The following FHIT variants were observed in gnomAD, a reference collection of about 807,000 sequenced individuals.
The protein encoded by FHIT is bis(5'-adenosyl)-triphosphatase.
Under a neutral mutation model 17.9 loss-of-function variants are expected in FHIT, and 19 were observed. That is an observed-to-expected ratio of 1.06 (90% confidence interval 0.74 to 1.56). The LOEUF is 1.56. Among genes scored for constraint, FHIT ranks in the 40% most tolerant of loss-of-function variants. The pLI, the probability that FHIT is intolerant of heterozygous loss-of-function variation, is 0.00. For synonymous variants in FHIT, 81 were observed against 69.7 expected, an observed-to-expected ratio of 1.16 and a Z score of -0.81; for missense variants, 248 against 189.2, an observed-to-expected ratio of 1.31 and a Z score of -1.82.
intron 5 of FHIT, among the ~76,000 whole-genome samples, chr3:60,195,659 CATAT>C (rs1225141894): frequency 6.9e-6 from 1 of 145,814 alleles, no homozygotes; most frequent in Non-Finnish European, 1.5e-5. Flanking sequence ...TATATACACA[CATAT>C]ATATATGTAT....
intron 8 of FHIT, among the ~76,000 whole-genome samples, chr3:59,767,354 C>T (rs1701852234): frequency 6.6e-6 from 1 of 152,068 alleles, no homozygotes; most frequent in African/African-American, 2.4e-5. Context: ...CAAAAATTAG[C>T]CAGGTGGGGT....
intron 3 of FHIT, among the ~76,000 whole-genome samples, chr3:60,831,961 C>A (rs899730171): frequency 1.3e-5 from 2 of 151,946 alleles, no homozygotes; most frequent in Non-Finnish European, 2.9e-5. Context: ...ACTTTGTAGC[C>A]CAGTTGAGCA....
At chr3:61,018,156 C>T (rs79475556) in intron 3 of FHIT, among the ~76,000 whole-genome samples, 1 of 152,046 alleles carries the variant, frequency 6.6e-6, no homozygotes, top group South Asian at 2.1e-4. Context: ...TAGTCAAACA[C>T]GATGATAAAA....
intron 3 of FHIT, among the ~76,000 whole-genome samples, chr3:61,007,997 G>A (rs1048396614): frequency 1.1e-4 from 17 of 152,106 alleles, no homozygotes; most frequent in Admixed American, 1.3e-4. Flanking sequence ...CATGTGATCA[G>A]GTTAATTTCA....
intron 2 of FHIT, among the ~76,000 whole-genome samples, chr3:61,166,198 A>G (rs1417443548): frequency 1.3e-5 from 2 of 152,250 alleles, no homozygotes; most frequent in Admixed American, 1.3e-4. Context: ...ACAAGCACTT[A>G]GCACACATGC....
chr3:60,638,750 G>C (rs1454362268), intron 4 of FHIT, among the ~76,000 whole-genome samples: 3 of 151,938 alleles, frequency 2.0e-5, no homozygotes, highest in Non-Finnish European at 4.4e-5. Context: ...ATATTTACCA[G>C]AAACAGAAGA....
intron 7 of FHIT, among the ~76,000 whole-genome samples, chr3:59,938,948 C>A (rs1023198649): frequency 6.6e-6 from 1 of 152,136 alleles, no homozygotes; most frequent in Admixed American, 6.6e-5. Flanking sequence ...TGGGAGCACC[C>A]AGAGAGCTGC....
At chr3:60,206,149 A>AAATAATAAT (rs1041282613) in intron 5 of FHIT, among the ~76,000 whole-genome samples, 2 of 94,142 alleles carry the variant, frequency 2.1e-5, no homozygotes, top group Non-Finnish European at 4.2e-5. Context: ...AAAAAAAAAT[A>AAATAATAAT]AATAATAATA....
At chr3:60,508,765 A>T (rs1367200731) in intron 5 of FHIT, among the ~76,000 whole-genome samples, 1 of 152,142 alleles carries the variant, frequency 6.6e-6, no homozygotes, top group Non-Finnish European at 1.5e-5. Flanking sequence ...TTGACATCTT[A>T]AAGTTCAAAG....
chr3:59,983,288 A>G (rs539642402), intron 7 of FHIT, among the ~76,000 whole-genome samples: 5 of 152,238 alleles, frequency 3.3e-5, no homozygotes, highest in Admixed American at 3.3e-4. Flanking sequence ...ATTGGTTCAC[A>G]TAAACACATC....
intron 4 of FHIT, among the ~76,000 whole-genome samples, chr3:60,725,041 T>C (rs1424384117): frequency 6.6e-6 from 1 of 152,196 alleles, no homozygotes; most frequent in Non-Finnish European, 1.5e-5. Context: ...CTAATGATGT[T>C]GAGCATCTTT....
intron 8 of FHIT, among the ~76,000 whole-genome samples, chr3:59,787,176 GA>G (rs778428107): frequency 1.6e-4 from 25 of 152,236 alleles, no homozygotes; most frequent in Admixed American, 3.3e-4. Flanking sequence ...CTGAGAGTCA[GA>G]AAGGTTAACT....
chr3:61,062,113 G>A (rs762674094), intron 2 of FHIT, among the ~76,000 whole-genome samples: 6 of 152,068 alleles, frequency 3.9e-5, no homozygotes, highest in Middle Eastern at 6.8e-3. Flanking sequence ...TACAGAATAC[G>A]TTACTAGACA....
chr3:60,797,170 G>C (rs781865065), intron 4 of FHIT, among the ~76,000 whole-genome samples: 9 of 152,182 alleles, frequency 5.9e-5, no homozygotes, highest in Non-Finnish European at 1.0e-4. Context: ...TTTGGTGCTT[G>C]CCTCACATAG....
intron 5 of FHIT, among the ~76,000 whole-genome samples, chr3:60,436,054 T>G (rs1338795342): frequency 6.6e-6 from 1 of 152,092 alleles, no homozygotes; most frequent in Admixed American, 6.6e-5. Flanking sequence ...TTTTTTCTTT[T>G]CTTTTTGAGA....
intron 5 of FHIT, among the ~76,000 whole-genome samples, chr3:60,308,460 C>T (rs1270643690): frequency 6.8e-6 from 1 of 148,128 alleles, no homozygotes; most frequent in Non-Finnish European, 1.5e-5. Context: ...AACACTCTAC[C>T]AAATTGCACG....
In FHIT at chr3:60,604,506, G is replaced by T. The variant is rs181732014; in HGVS notation, c.-17-67527C>A. On this transcript the variant is annotated intron_variant, in intron 4 of 9. Transcript: ENST00000492590. ...CCGCAGATAAAATCCCAAAAGGAAAGGTTTTAAGTATGAAAGGGTTGGGCT... is the reference window on the plus strand; with the variant it reads ...CCGCAGATAAAATCCCAAAAGGAAATGTTTTAAGTATGAAAGGGTTGGGCT... 3.2e-4 allele frequency among the ~76,000 whole-genome samples: 48 copies of T among 152,286 alleles called. 1 individual carries two copies. The highest frequency in any genetic ancestry group is 1.6e-3 in the Admixed American group (24 of 15,290).
At chr3:60,289,868 C>T (rs931327942) in intron 5 of FHIT, among the ~76,000 whole-genome samples, 6 of 152,166 alleles carry the variant, frequency 3.9e-5, no homozygotes, top group Non-Finnish European at 5.9e-5. Context: ...AGCAAAGTGG[C>T]TTCAAAGAAC....
intron 3 of FHIT, among the ~76,000 whole-genome samples, chr3:60,920,086 T>C (rs1190691093): frequency 6.6e-6 from 1 of 151,838 alleles, no homozygotes; most frequent in Non-Finnish European, 1.5e-5. Flanking sequence ...CAGCTTGCCA[T>C]TCACTTCTAT....
Sources: gnomAD v4.1 joint callset for allele counts (sites outside exome capture counted in the v4.1 genomes callset) on GRCh38, gnomAD v4.1.1 for gene constraint, MANE v1.5 for transcripts, NCBI Gene and HGNC (gene_info 2026-07-23, HGNC 2026-07-21) for gene names.